Variants in KCND2 observed in about 807,000 individuals in gnomAD.
KCND2 encodes A-type voltage-gated potassium channel KCND2.
Under a neutral mutation model 54.4 loss-of-function variants are expected in KCND2, and 16 were observed. The observed-to-expected ratio is 0.29, with a 90% CI of 0.20 to 0.45. The LOEUF (loss-of-function observed/expected upper bound fraction) is 0.45. KCND2 is among the 20% of genes least tolerant of loss of function. The pLI is 1.00. For missense variants in KCND2, 486 were observed against 824.2 expected (o/e 0.59, Z 5.02); for synonymous variants, 317 against 310.7 (o/e 1.02, Z -0.21).
intron 1 of KCND2, among the ~76,000 whole-genome samples, chr7:120,595,579 ATGTGTGTGTGTG>A (rs1158348551): frequency 4.6e-4 from 36 of 78,958 alleles, no homozygotes; most frequent in Non-Finnish European, 4.9e-4. Flanking sequence ...GTGTATATAT[ATGTGTGTGTGTG>A]TATATATATA....
At chr7:120,591,271 A>G (rs1792668508) in intron 1 of KCND2, among the ~76,000 whole-genome samples, 1 of 152,190 alleles carries the variant, frequency 6.6e-6, no homozygotes, top group African/African-American at 2.4e-5. Context: ...TGGTACATTC[A>G]TAGTTTGCTG....
At chr7:120,475,170 G>A (rs1015925778) in intron 1 of KCND2, among the ~76,000 whole-genome samples, 1 of 152,196 alleles carries the variant, frequency 6.6e-6, no homozygotes, top group South Asian at 2.1e-4. Flanking sequence ...AAAAGGGAGG[G>A]TTGATCATTT....
At chr7:120,424,139 A>G (rs571313888) in intron 1 of KCND2, among the ~76,000 whole-genome samples, 12 of 152,318 alleles carry the variant, frequency 7.9e-5, no homozygotes, top group Middle Eastern at 6.8e-3. Flanking sequence ...TTGATGACAA[A>G]TTTGATGCTT....
At chr7:120,681,311 A>G (rs1325602177) in intron 1 of KCND2, among the ~76,000 whole-genome samples, 2 of 152,036 alleles carry the variant, frequency 1.3e-5, no homozygotes, top group Non-Finnish European at 2.9e-5. Context: ...GATGGCATAA[A>G]TGGATTCTAA....
chr7:120,455,030 G>A (rs1019959209), intron 1 of KCND2, among the ~76,000 whole-genome samples: 2 of 152,032 alleles, frequency 1.3e-5, no homozygotes, highest in Admixed American at 1.3e-4. Flanking sequence ...AAAGCAATCA[G>A]AGCCATCAAA....
chr7:120,481,732 G>C (rs563313010), intron 1 of KCND2, among the ~76,000 whole-genome samples: 1 of 152,112 alleles, frequency 6.6e-6, no homozygotes, highest in Admixed American at 6.5e-5. Flanking sequence ...AGGGACCCAG[G>C]TGTAGTTGAA....
At chr7:120,676,783 G>C (rs912243090) in intron 1 of KCND2, among the ~76,000 whole-genome samples, 2 of 152,106 alleles carry the variant, frequency 1.3e-5, no homozygotes, top group Non-Finnish European at 2.9e-5. Flanking sequence ...TCTCTGGCCT[G>C]TTTCGAAATG....
chr7:120,274,600 TCGTTACCCTTCTTCCTTC>T lies in KCND2; in HGVS notation c.-30_-13del. The T allele has an allele frequency of 1.2e-6, 2 of 1,614,090 alleles. No individual in the cohort carries two copies. On this transcript the variant is annotated 5_prime_UTR_variant, in exon 1 of 6. Coordinates refer to ENST00000331113, the MANE Select transcript of KCND2 (RefSeq NM_012281.3). ...GCTTCGGTGACCCATTGTAGACGCC[TCGTTACCCTTCTTCCTTC>T]CGCTTCAAGTAATCATGGCGGCGGG...
intron 1 of KCND2, among the ~76,000 whole-genome samples, chr7:120,353,577 A>G (rs909574034): frequency 3.9e-5 from 6 of 152,120 alleles, no homozygotes; most frequent in Admixed American, 1.3e-4. Flanking sequence ...TGGGGAAAAG[A>G]AGGAAATGTG....
intron 1 of KCND2, among the ~76,000 whole-genome samples, chr7:120,344,310 A>G (rs10488287): frequency 0.66 from 100,581 of 152,102 alleles, 38,094 homozygotes; most frequent in South Asian, 0.9. Context: ...AAGATAACAC[A>G]TAAAAGAACA....
chr7:120,477,456 G>A (rs1015909436), intron 1 of KCND2, among the ~76,000 whole-genome samples: 6 of 152,010 alleles, frequency 3.9e-5, no homozygotes, highest in Admixed American at 1.3e-4. Context: ...AAAAATGAAT[G>A]TTTATTAATC....
chr7:120,471,323 A>G (rs765100240), intron 1 of KCND2, among the ~76,000 whole-genome samples: 7 of 152,092 alleles, frequency 4.6e-5, no homozygotes, highest in Non-Finnish European at 1.0e-4. Flanking sequence ...AATAAAGGTA[A>G]CTCATTGTGG....
chr7:120,294,142 C>A (rs1391311351), intron 1 of KCND2, among the ~76,000 whole-genome samples: 1 of 151,850 alleles, frequency 6.6e-6, no homozygotes, highest in Non-Finnish European at 1.5e-5. Flanking sequence ...ATCATGGAGG[C>A]TTGTTTATTT....
intron 1 of KCND2, among the ~76,000 whole-genome samples, chr7:120,675,062 AAT>A (rs2116578659): frequency 6.6e-6 from 1 of 152,214 alleles, no homozygotes; most frequent in East Asian, 1.9e-4. Flanking sequence ...TTTTGTTGAA[AAT>A]ATGAGTTTCT....
At chr7:120,716,311 A>G (rs1455692593) in intron 1 of KCND2, among the ~76,000 whole-genome samples, 1 of 150,792 alleles carries the variant, frequency 6.6e-6, no homozygotes, top group Admixed American at 6.6e-5. Context: ...TATTTCATAG[A>G]GTTTAATTTA....
chr7:120,362,204 C>T (rs145979315), intron 1 of KCND2, among the ~76,000 whole-genome samples: 72 of 152,154 alleles, frequency 4.7e-4, no homozygotes, highest in African/African-American at 1.5e-3. Context: ...TTTTATTGTC[C>T]GTTACCCTCT....
At chr7:120,402,503 A>G (rs1801278798) in intron 1 of KCND2, among the ~76,000 whole-genome samples, 1 of 152,136 alleles carries the variant, frequency 6.6e-6, no homozygotes, top group Non-Finnish European at 1.5e-5. Context: ...AAAGATATTG[A>G]AGGAGGCAGT....
chr7:120,697,296 A>G (rs897668739), intron 1 of KCND2, among the ~76,000 whole-genome samples: 3 of 152,226 alleles, frequency 2.0e-5, no homozygotes, highest in African/African-American at 4.8e-5. Context: ...TCAAATGCCA[A>G]CCACTTAAAA....
chr7:120,388,244 A>T (rs995039335), intron 1 of KCND2, among the ~76,000 whole-genome samples: 1 of 152,064 alleles, frequency 6.6e-6, no homozygotes, highest in Non-Finnish European at 1.5e-5. Flanking sequence ...TTTTAAGTTC[A>T]ACTATAAATC....
Sources: gnomAD v4.1 joint callset for allele counts (sites outside exome capture counted in the v4.1 genomes callset) on GRCh38, gnomAD v4.1.1 for gene constraint, MANE v1.5 for transcripts, NCBI Gene and HGNC (gene_info 2026-07-23, HGNC 2026-07-21) for gene names.